DHX32: variants seen among roughly 807,000 people sequenced by gnomAD.
DHX32 encodes the protein putative pre-mRNA-splicing factor ATP-dependent RNA helicase DHX32.
Under a neutral mutation model 70.0 loss-of-function variants are expected in DHX32, and 51 were observed. The ratio of observed to expected loss-of-function variants is 0.73; its 90% CI spans 0.58 to 0.92. The LOEUF is 0.92. DHX32 is among the 40% of genes least tolerant of loss of function. The pLI is 0.00. For synonymous variants in DHX32, 310 were observed against 315.3 expected (o/e 0.98, Z 0.18); for missense variants, 762 against 891.8 (o/e 0.85, Z 1.85).
At chr10:125,855,206 GTGAGAC>G (rs1238219702) in intron 3 of DHX32, among the ~76,000 whole-genome samples, 1 of 149,072 alleles carries the variant, frequency 6.7e-6, no homozygotes, top group East Asian at 2.0e-4. Context: ...TGGCAACAGA[GTGAGAC>G]TCCGTCTCAA....
intron 1 of DHX32, 37 bp from the exon 2 acceptor site, chr10:125,867,220 C>A: frequency 6.6e-7 from 1 of 1,526,650 alleles, no homozygotes; most frequent in Admixed American, 2.1e-5. Context: ...TCAGCTTCTG[C>A]TGAAAACAAA....
At chr10:125,861,118 T>G (rs1944185473) in intron 2 of DHX32, among the ~76,000 whole-genome samples, 1 of 152,186 alleles carries the variant, frequency 6.6e-6, no homozygotes, top group African/African-American at 2.4e-5. Context: ...ATGGCAATTC[T>G]GAGATTGCTA....
chr10:125,859,219 A>C (rs1564827903), intron 3 of DHX32, among the ~76,000 whole-genome samples: 4 of 152,094 alleles, frequency 2.6e-5, no homozygotes, highest in African/African-American at 9.7e-5. Context: ...CCTGATCTCC[A>C]ACAAACACAC....
rs760210730 is a variant in DHX32 at position 125,838,247 on chromosome 10, C to T, written c.2022G>A (p.Glu674=). The change falls in exon 10 of 11, where the codon GAG becomes GAA. Residue 674 remains glutamate (E), a synonymous_variant. Coordinates refer to ENST00000284690, the MANE Select transcript of DHX32 (RefSeq NM_018180.3). ...CTGAGGTAATCCTGATGTAGTTGTT[C>T]TCAGAAATGCTGAATTTATGGAAGA... ...WVLFHKFSIS[E]NNYIRITSEI... is the part of the protein sequence containing the mutation. 31 of 1,612,492 alleles carry T rather than the reference C, an allele frequency of 1.9e-5. No individual in the cohort carries two copies. Among genetic ancestry groups the T allele is most frequent in the Non-Finnish European group, 2.6e-5 (31 of 1,179,622 alleles).
At chr10:125,892,364 A>C (rs1165333821) in intron 1 of DHX32, among the ~76,000 whole-genome samples, 2 of 152,308 alleles carry the variant, frequency 1.3e-5, no homozygotes, top group African/African-American at 4.8e-5. Flanking sequence ...GAGTGTTGCC[A>C]GTGATCCTTT....
Position 125,839,141 on chromosome 10 carries a change from GTGC to G in DHX32, c.1738_1740del (p.Ala580del). 6.2e-7 allele frequency: 1 copy of G among 1,614,264 alleles called. No individual in the cohort carries two copies. Among genetic ancestry groups the G allele is most frequent in the Non-Finnish European group, 8.5e-7 (1 of 1,180,046 alleles). On this transcript the variant is annotated inframe_deletion, in exon 9 of 11. Coordinates refer to ENST00000284690, the MANE Select transcript of DHX32 (RefSeq NM_018180.3). ...GCTCGAATAACATCTGCCATTCTGAGTGCTGAACAGTTGAGGAAGTAATCACGA... is the reference window on the plus strand; with the variant it reads ...GCTCGAATAACATCTGCCATTCTGAGTGAACAGTTGAGGAAGTAATCACGA...
chr10:125,837,746 C>T (rs1411758859), intron 10 of DHX32, among the ~76,000 whole-genome samples: 1 of 152,208 alleles, frequency 6.6e-6, no homozygotes, highest in Non-Finnish European at 1.5e-5. Flanking sequence ...GCTACTCTTG[C>T]TTAAAATGCT....
Position 125,866,853 on chromosome 10 carries a change from GGCT to G in DHX32, c.476+134_476+136del. ...TGTGGGAAAGCAACTGTTGCTGGCT[GGCT>G]GATGACAGAGACCAGTTGCTACTGC... On this transcript the variant is annotated intron_variant, in intron 2 of 10. Transcript: ENST00000284690. The surrounding 1 kb of genome is among the most constrained non-coding windows in gnomAD (Gnocchi z 4.8). 1.2e-6 allele frequency: 1 copy of G among 835,658 alleles called. No individual in the cohort carries two copies. Among genetic ancestry groups the G allele is most frequent in the Non-Finnish European group, 1.8e-6 (1 of 548,730 alleles). 51.8% of individuals were successfully genotyped at this position (835,658 alleles called of 1,614,324 possible).
intron 4 of DHX32, chr10:125,853,302 C>A: frequency 1.0e-6 from 1 of 963,764 alleles, no homozygotes; most frequent in Non-Finnish European, 1.5e-6. Flanking sequence ...ATCTCGGCAC[C>A]TAGTAATGGT....
At chr10:125,865,633 G>GTT (rs1357577551) in intron 2 of DHX32, among the ~76,000 whole-genome samples, 2 of 152,148 alleles carry the variant, frequency 1.3e-5, no homozygotes, top group African/African-American at 2.4e-5. Context: ...GGACTCAAGT[G>GTT]ATCTTTCCGC....
rs73381276 is a variant in DHX32, at chr10:125,878,230, T to C, written c.282+2313A>G. Among the ~76,000 whole-genome samples, 733 of 152,296 alleles carry C rather than the reference T, an allele frequency of 4.8e-3. 8 individuals carry two copies. Among genetic ancestry groups the C allele is most frequent in the African/African-American group, 0.016 (667 of 41,560 alleles). On this transcript the variant is annotated intron_variant, in intron 1 of 10. Transcript: ENST00000284690. Reference sequence around the variant, plus strand: ...CTCCTTTGCACATTTTGAGAAAGTGTAGACATAGGAGTAGCTCTGAAAAGT... The same window carrying C: ...CTCCTTTGCACATTTTGAGAAAGTGCAGACATAGGAGTAGCTCTGAAAAGT...
In DHX32 at chr10:125,841,915, C is replaced by T. The variant is rs1854890844; in HGVS notation, c.1371G>A (p.Gln457=). The T allele has an allele frequency of 1.1e-5, 18 of 1,594,624 alleles. No homozygotes were observed. Among genetic ancestry groups the T allele is most frequent in the Non-Finnish European group, 1.4e-5 (16 of 1,174,306 alleles). ...MNRPAPESLM[Q]ALEDLDYLAA... ...CCAGATAATCTAAGTCTTCCAATGC[C>T]TGCATCAAACTTTCTGGTGCTAGGA... Residue 457 remains glutamine (Q), a synonymous_variant, in exon 7 of 11, where the codon CAG becomes CAA. Transcript: ENST00000284690.
At chr10:125,852,002 C>T (rs78335973) in intron 6 of DHX32, among the ~76,000 whole-genome samples, 5 of 151,958 alleles carry the variant, frequency 3.3e-5, no homozygotes, top group East Asian at 1.9e-4. Flanking sequence ...TTCACCCTTA[C>T]GCTTCCATAC....
In DHX32 at chr10:125,859,959, TATC is replaced by T. The variant is rs1228538495; in HGVS notation, c.490_492del (p.Asp164del). On this transcript the variant is annotated inframe_deletion, in exon 3 of 11. Transcript: ENST00000284690. ...TTGGACATCATTTCTCTTTGCAGCATATCATCAGTACAATACCTATAAAGAAGA... is the reference window on the plus strand; with the variant it reads ...TTGGACATCATTTCTCTTTGCAGCATATCAGTACAATACCTATAAAGAAGA... The T allele has an allele frequency of 2.9e-5, 46 of 1,601,998 alleles. No individual in the cohort carries two copies. The highest frequency in any genetic ancestry group is 3.9e-5 in the Non-Finnish European group (46 of 1,174,780).
Position 125,838,889 on chromosome 10 carries a change from T to A in DHX32, c.1881+112A>T, listed in dbSNP as rs898235821. The A allele has an allele frequency of 1.5e-5, 18 of 1,233,448 alleles. No individual in the cohort carries two copies. In the African/African-American group the frequency reaches 1.7e-4, roughly 11 times the overall value. 76.4% of individuals were successfully genotyped at this position (1,233,448 alleles called of 1,614,324 possible). On this transcript the variant is annotated intron_variant, in intron 9 of 10. Coordinates refer to ENST00000284690, the MANE Select transcript of DHX32 (RefSeq NM_018180.3). ...ACCAAATCTTTAATAATAACATGGA[T>A]TTTTAGTTTTACTTAATGTCAAAAT...
At chr10:125,885,146 G>A (rs940901651), upstream of DHX32, among the ~76,000 whole-genome samples, 7 of 151,992 alleles carry the variant, frequency 4.6e-5, no homozygotes, top group African/African-American at 1.4e-4. Context: ...CACAAATCTG[G>A]TCCCCCCAAT....
intron 2 of DHX32, among the ~76,000 whole-genome samples, chr10:125,861,339 T>C (rs1162242555): frequency 6.6e-6 from 1 of 151,830 alleles, no homozygotes; most frequent in Non-Finnish European, 1.5e-5. Context: ...CTACTAAAAA[T>C]ACAAAAAATT....
At chr10:125,877,356 T>C (rs1175804991) in intron 1 of DHX32, among the ~76,000 whole-genome samples, 2 of 147,234 alleles carry the variant, frequency 1.4e-5, no homozygotes, top group Non-Finnish European at 3.1e-5. Context: ...AAAACATCTG[T>C]TGTCCAGCCC....
chr10:125,886,377 C>T (rs1268327784), intron 1 of DHX32, among the ~76,000 whole-genome samples: 1 of 152,106 alleles, frequency 6.6e-6, no homozygotes, highest in Non-Finnish European at 1.5e-5. Flanking sequence ...ATACATTTTC[C>T]CTCTTTGTTT....
Sources: allele counts gnomAD v4.1 joint callset (sites outside exome capture counted in the v4.1 genomes callset), GRCh38; gene constraint gnomAD v4.1.1; non-coding constraint Gnocchi (gnomAD v3.1); transcripts MANE v1.5; gene names NCBI Gene and HGNC (gene_info 2026-07-23, HGNC 2026-07-21).